Variants in ACO1 observed in about 807,000 individuals in gnomAD.
ACO1 encodes cytoplasmic aconitate hydratase.
ACO1 carries 78 observed loss-of-function variants against 105.1 expected under a neutral mutation model. That is an observed-to-expected ratio of 0.74 (90% CI 0.62 to 0.90). The LOEUF (loss-of-function observed/expected upper bound fraction) is 0.90, where lower values mean the gene tolerates loss of function less well. Among genes scored for constraint, ACO1 ranks in the 40% least tolerant of loss-of-function variants. The probability of loss-of-function intolerance (pLI) is 0.00; values close to 1 mark genes in which losing one functional copy is unlikely to be tolerated. For missense variants in ACO1, 965 were observed against 1,111.1 expected, an observed-to-expected ratio of 0.87 and a Z score of 1.87; for synonymous variants, 364 against 397.4, an observed-to-expected ratio of 0.92 and a Z score of 1.00.
Position 32,452,781 on chromosome 9 carries a change from C to G in ACO1, c.*2670C>G, listed in dbSNP as rs1230089956. On this transcript the variant is annotated 3_prime_UTR_variant, in exon 21 of 21. Coordinates refer to ENST00000309951, the MANE Select transcript of ACO1 (RefSeq NM_002197.3). ...AAGTTTGAGACCAGCCTGGGCAACACTCTACAAAAAAAAAAATAAATAAAT... is the reference window on the plus strand; with the variant it reads ...AAGTTTGAGACCAGCCTGGGCAACAGTCTACAAAAAAAAAAATAAATAAAT... 1 of 150,846 alleles carries G rather than the reference C, an allele frequency of 6.6e-6. No homozygotes were observed. The highest frequency in any genetic ancestry group is 2.4e-5 in the African/African-American group (1 of 40,832). The allele number at this position is 150,846 out of a possible 1,614,324, so 9.3% of individuals were successfully genotyped here. A position where few individuals can be genotyped will look rare whatever the true frequency, so the allele number is the denominator to read the frequency against.
rs759263331 is a variant in ACO1, at chr9:32,408,497, TCTC to T, written c.267-16_267-14del. ...ATTTAAGGCTTATTTTCTGCATTAT[TCTC>T]TTTCTTCTCTTAGGGGTGTGCCCGC... On this transcript the variant is annotated splice_polypyrimidine_tract_variant and intron_variant, in intron 3 of 20. Coordinates refer to ENST00000309951, the MANE Select transcript of ACO1 (RefSeq NM_002197.3). 3.7e-6 allele frequency: 6 copies of T among 1,612,944 alleles called. No individual in the cohort carries two copies. The highest frequency in any genetic ancestry group is 5.1e-6 in the Non-Finnish European group (6 of 1,179,660).
chr9:32,429,138 A>G (rs1369913639), intron 12 of ACO1, among the ~76,000 whole-genome samples: 1 of 152,220 alleles, frequency 6.6e-6, no homozygotes, highest in African/African-American at 2.4e-5. Flanking sequence ...TTATACAATA[A>G]TAGTAGTTAA....
In ACO1 at chr9:32,384,753, C is replaced by A. The variant is rs1227133651; in HGVS notation, c.-23+18C>A. The A allele has an allele frequency of 2.6e-6, 1 of 382,184 alleles. No individual in the cohort carries two copies. The highest frequency in any genetic ancestry group is 1.4e-4 in the East Asian group (1 of 7,088). The allele number at this position is 382,184 out of a possible 1,614,324, so 23.7% of individuals were successfully genotyped here. On this transcript the variant is annotated intron_variant, in intron 1 of 20. Coordinates refer to ENST00000309951, the MANE Select transcript of ACO1 (RefSeq NM_002197.3). ...AGTCGGAGGTGAGTACCGACGCGGCCCGACCCACGTCCCCAGGCGGGAGCG... is the reference window on the plus strand; with the variant it reads ...AGTCGGAGGTGAGTACCGACGCGGCACGACCCACGTCCCCAGGCGGGAGCG...
intron 18 of ACO1, 39 bp from the exon 19 acceptor site, chr9:32,440,426 C>T: frequency 6.2e-7 from 1 of 1,612,012 alleles, no homozygotes; most frequent in Non-Finnish European, 8.5e-7. Context: ...CATTCTTTGC[C>T]TCTCCTGCAT....
chr9:32,420,815 G>C, intron 7 of ACO1, 41 bp from the exon 8 acceptor site: 1 of 1,594,620 alleles, frequency 6.3e-7, no homozygotes, highest in South Asian at 1.1e-5. Flanking sequence ...TTGAATGTGG[G>C]CCATCAGATC....
intron 13 of ACO1, among the ~76,000 whole-genome samples, chr9:32,430,068 A>G (rs557019504): frequency 6.6e-6 from 1 of 152,324 alleles, no homozygotes; most frequent in Non-Finnish European, 1.5e-5. Flanking sequence ...TTAATTATAG[A>G]ATCTACGTAT....
At chr9:32,421,373 A>G (rs548440211) in intron 8 of ACO1, among the ~76,000 whole-genome samples, 4 of 152,230 alleles carry the variant, frequency 2.6e-5, no homozygotes, top group Admixed American at 1.3e-4. Context: ...TTTGCTGTCA[A>G]CCTCTTTACA....
intron 3 of ACO1, 146 bp downstream of exon 3, chr9:32,407,575 C>T: frequency 1.3e-6 from 1 of 774,832 alleles, no homozygotes; most frequent in Non-Finnish European, 1.9e-6. Context: ...TATCCAGACA[C>T]TTTTGAAAGC....
Position 32,424,590 on chromosome 9 carries a change from T to C in ACO1, c.1113T>C (p.Ser371=), listed in dbSNP as rs766080386. Residue 371 remains serine (S), a synonymous_variant, in exon 10 of 21, where the codon AGT becomes AGC. Coordinates refer to ENST00000309951, the MANE Select transcript of ACO1 (RefSeq NM_002197.3). ...LDLKTVVPCC[S]GPKRPQDKVA... ...TGAAAACAGTAGTGCCTTGCTGTAGTGGACCCAAAAGGCCTCAGGACAAAG... is the reference window on the plus strand; with the variant it reads ...TGAAAACAGTAGTGCCTTGCTGTAGCGGACCCAAAAGGCCTCAGGACAAAG... 5.0e-6 allele frequency: 8 copies of C among 1,614,118 alleles called. No individual in the cohort carries two copies. The highest frequency in any genetic ancestry group is 6.8e-6 in the Non-Finnish European group (8 of 1,179,992).
chr9:32,430,323 G>A, intron 13 of ACO1, 95 bp from the exon 14 acceptor site: 1 of 1,304,062 alleles, frequency 7.7e-7, no homozygotes, highest in Non-Finnish European at 1.1e-6. Flanking sequence ...TTAAAGGACT[G>A]TATCCTTGCG....
At chr9:32,421,172 G>C in intron 8 of ACO1, 145 bp downstream of exon 8, 1 of 887,592 alleles carries the variant, frequency 1.1e-6, no homozygotes, top group East Asian at 2.5e-5. Flanking sequence ...GAGTCAAAAT[G>C]GGTTTTTGGG....
intron 19 of ACO1, among the ~76,000 whole-genome samples, chr9:32,445,005 G>C (rs1822567599): frequency 6.6e-6 from 1 of 152,176 alleles, no homozygotes; most frequent in Non-Finnish European, 1.5e-5. Context: ...TATGCTGCTG[G>C]ATTCGGTTTT....
chr9:32,399,181 A>G (rs1821436166), intron 1 of ACO1, among the ~76,000 whole-genome samples: 1 of 152,202 alleles, frequency 6.6e-6, no homozygotes, highest in South Asian at 2.1e-4. Flanking sequence ...GTCTCTCCAG[A>G]GTTACAGAGC....
At chr9:32,431,867 C>T (rs755643207) in intron 15 of ACO1, 24 bp downstream of exon 15, 22 of 1,613,050 alleles carry the variant, frequency 1.4e-5, no homozygotes, top group African/African-American at 8.0e-5. Context: ...CTGCCCTCCC[C>T]GCCCCAGAGG....
At chr9:32,436,063 CCT>C (rs1043369345) in intron 17 of ACO1, 185 bp from the exon 18 acceptor site, 3 of 753,838 alleles carry the variant, frequency 4.0e-6, no homozygotes, top group South Asian at 1.5e-5. Context: ...CCCCTTCTCA[CCT>C]CTCTCTCTTC....
At position 32,434,679 on chromosome 9, in the gene ACO1, G is replaced by A. The variant is rs1485852366; in HGVS notation, c.2077G>A (p.Ala693Thr). ...AGNIARNSPA[A>T]RYLTNRGLTP... is the part of the protein sequence containing the mutation. ...AAATATTGCAAGAAACAGTCCTGCT[G>A]CTCGCTACTTAACTAACAGAGGGTA... The change falls in exon 17 of 21, where the codon GCT (alanine) becomes ACT (threonine). Residue 693 changes from alanine to threonine, a missense_variant. Physicochemically the swap from Ala to Thr is moderately conservative, Grantham distance 58. Transcript: ENST00000309951. 6.2e-7 allele frequency: 1 copy of A among 1,614,074 alleles called. No homozygotes were observed.
In ACO1 at chr9:32,429,419, G is replaced by A. The variant is rs747753467; in HGVS notation, c.1485G>A (p.Gly495=). ...SGVMPYLSQL[G]FDVVGYGCMT... ...TGTGTGCTTCTCTCTTGGTGTCTAG[G>A]TTTGACGTGGTGGGCTATGGCTGCA... The change falls in exon 13 of 21, where the codon GGG becomes GGA. Residue 495 remains glycine, a splice_region_variant and synonymous_variant. Transcript: ENST00000309951. 5.6e-6 allele frequency: 9 copies of A among 1,614,108 alleles called. No individual in the cohort carries two copies. The South Asian group carries it at 9.9e-5, about 18-fold the overall frequency.
intron 6 of ACO1, 124 bp from the exon 7 acceptor site, chr9:32,418,914 C>T (rs1158915131): frequency 2.6e-6 from 3 of 1,168,204 alleles, no homozygotes; most frequent in Non-Finnish European, 3.4e-6. Context: ...TTTATAGAAA[C>T]ATGACTCTGC....
intron 1 of ACO1, among the ~76,000 whole-genome samples, chr9:32,387,887 AAG>A (rs1199573510): frequency 1.3e-5 from 2 of 152,236 alleles, no homozygotes; most frequent in African/African-American, 2.4e-5. Context: ...CCATGTTTCA[AAG>A]AGAGAGTTTT....
Sources: allele counts gnomAD v4.1 joint callset (sites outside exome capture counted in the v4.1 genomes callset), GRCh38; gene constraint gnomAD v4.1.1; transcripts MANE v1.5; gene names NCBI Gene and HGNC (gene_info 2026-07-23, HGNC 2026-07-21).